Variants in PPP1R3A observed in about 807,000 individuals in gnomAD.
The protein encoded by PPP1R3A is protein phosphatase 1 regulatory subunit 3A.
A neutral mutation model predicts 41.7 loss-of-function variants in PPP1R3A; 29 were observed. The ratio of observed to expected loss-of-function variants is 0.70; its 90% CI spans 0.52 to 0.95. The LOEUF is 0.95. Among genes scored for constraint, PPP1R3A ranks in the 40% least tolerant of loss-of-function variants. The probability of loss-of-function intolerance (pLI) is 0.00; values close to 1 mark genes in which losing one functional copy is unlikely to be tolerated. For missense variants in PPP1R3A, 1,352 were observed against 1,292.4 expected, an observed-to-expected ratio of 1.05 and a Z score of -0.71; for synonymous variants, 485 against 453.4, an observed-to-expected ratio of 1.07 and a Z score of -0.89.
In PPP1R3A at chr7:113,879,440, C is replaced by A; in HGVS notation, c.1652G>T (p.Ser551Ile). 1 of 1,613,498 alleles carries A rather than the reference C, an allele frequency of 6.2e-7. No homozygotes were observed. Among genetic ancestry groups the A allele is most frequent in the Non-Finnish European group, 8.5e-7 (1 of 1,179,720 alleles). Residue 551 changes from serine (S) to isoleucine (I), a missense_variant, in exon 4 of 4, where the codon AGT becomes ATT. Transcript: ENST00000284601. ...QERKMGNPKISVAGIGASNRD... is the reference protein window; with the variant it reads ...QERKMGNPKIIVAGIGASNRD... ...GTTACTAGCTCCAATCCCTGCCACA[C>A]TTATTTTAGGGTTACCCATCTTCCT...
At chr7:113,913,694 GA>G in intron 1 of PPP1R3A, among the ~76,000 whole-genome samples, 1 of 151,998 alleles carries the variant, frequency 6.6e-6, no homozygotes, top group Admixed American at 6.6e-5. Flanking sequence ...AGGCAGTGGG[GA>G]AAAAAAGCCA....
At chr7:113,903,292 T>C (rs1041383273) in intron 1 of PPP1R3A, among the ~76,000 whole-genome samples, 4 of 151,790 alleles carry the variant, frequency 2.6e-5, no homozygotes, top group Non-Finnish European at 4.4e-5. Flanking sequence ...ACCCGTGAAA[T>C]AGGTATAGAA....
intron 1 of PPP1R3A, among the ~76,000 whole-genome samples, chr7:113,904,687 GAA>G (rs10708700): frequency 1.3e-5 from 2 of 150,132 alleles, no homozygotes; most frequent in African/African-American, 4.9e-5. Flanking sequence ...GAAATACAAA[GAA>G]AAAAAAATTG....
At chr7:113,913,309 C>G (rs1170588397) in intron 1 of PPP1R3A, among the ~76,000 whole-genome samples, 1 of 152,120 alleles carries the variant, frequency 6.6e-6, no homozygotes, top group Admixed American at 6.6e-5. Context: ...CTGACTGAAA[C>G]ACACAATGTA....
intron 1 of PPP1R3A, among the ~76,000 whole-genome samples, chr7:113,901,770 C>G (rs192157036): frequency 9.2e-5 from 14 of 151,806 alleles, no homozygotes; most frequent in African/African-American, 3.4e-4. Flanking sequence ...TTCAAATCCC[C>G]TGAAAACCAA....
chr7:113,878,018 C>A lies in PPP1R3A; in HGVS notation c.3074G>T (p.Arg1025Met). 6.2e-7 allele frequency: 1 copy of A among 1,613,208 alleles called. No homozygotes were observed. Among genetic ancestry groups the A allele is most frequent in the Admixed American group, 1.7e-5 (1 of 59,900 alleles). Residue 1025 changes from arginine (R) to methionine (M), a missense_variant, in exon 4 of 4, where the codon AGG becomes ATG. Arg to Met is a moderately conservative substitution (Grantham distance 91). Coordinates refer to ENST00000284601, the MANE Select transcript of PPP1R3A (RefSeq NM_002711.4). ...NKPLENMEEA[R>M]HENEGLVSSG... is the part of the protein sequence containing the mutation. Reference sequence around the variant, plus strand: ...GCTTACTAATCCTTCATTTTCATGCCTTGCTTCTTCCATATTCTCAAGAGG... The same window carrying A: ...GCTTACTAATCCTTCATTTTCATGCATTGCTTCTTCCATATTCTCAAGAGG...
Position 113,878,303 on chromosome 7 carries a change from T to C in PPP1R3A, c.2789A>G (p.Gln930Arg), listed in dbSNP as rs775784657. ...AACTGCATTCTCTACAGCAATTGCC[T>C]GCTCATTAGTTGACACTGAAATTTC... ...HTEISVSTNEQAIAVENAVTT... is the reference protein window; with the variant it reads ...HTEISVSTNERAIAVENAVTT... Residue 930 changes from glutamine to arginine, a missense_variant, in exon 4 of 4, where the codon CAG becomes CGG. By Grantham distance (43) the Gln-to-Arg change is conservative. Transcript: ENST00000284601. 14 of 1,613,246 alleles carry C rather than the reference T, an allele frequency of 8.7e-6. No homozygotes were observed. Among genetic ancestry groups the C allele is most frequent in the Non-Finnish European group, 1.1e-5 (13 of 1,179,634 alleles).
chr7:113,881,709 G>T (rs1008979571), intron 3 of PPP1R3A, among the ~76,000 whole-genome samples: 1 of 151,918 alleles, frequency 6.6e-6, no homozygotes. Flanking sequence ...TTTTATAGAC[G>T]AGTTTATGCT....
chr7:113,917,154 T>A lies in PPP1R3A; in HGVS notation c.782+1061A>T, dbSNP rs527345786. Among the ~76,000 whole-genome samples the A allele has an allele frequency of 2.0e-3, 298 of 152,184 alleles. 1 individual carries two copies. The highest frequency in any genetic ancestry group is 7.0e-3 in the African/African-American group (291 of 41,542). On this transcript the variant is annotated intron_variant, in intron 1 of 3. Coordinates refer to ENST00000284601, the MANE Select transcript of PPP1R3A (RefSeq NM_002711.4). ...CCTTAGAGAATTAAATCTGGGTGTC[T>A]TGATTCCAAAACAGTTCCCTTTCCT...
chr7:113,904,304 A>G (rs1052074734), intron 1 of PPP1R3A, among the ~76,000 whole-genome samples: 1 of 151,802 alleles, frequency 6.6e-6, no homozygotes, highest in East Asian at 1.9e-4. Flanking sequence ...GGACTTGATC[A>G]AATAAATTTC....
chr7:113,914,759 T>TAG (rs1440427305), intron 1 of PPP1R3A, among the ~76,000 whole-genome samples: 1 of 152,132 alleles, frequency 6.6e-6, no homozygotes, highest in Admixed American at 6.6e-5. Context: ...CCCTATGAGA[T>TAG]AGAGCTGTAG....
chr7:113,904,060 A>G (rs1486490522), intron 1 of PPP1R3A, among the ~76,000 whole-genome samples: 1 of 151,670 alleles, frequency 6.6e-6, no homozygotes, highest in Non-Finnish European at 1.5e-5. Context: ...TTGTCCGAGT[A>G]TGTTTCACTC....
chr7:113,918,380 T>C lies in PPP1R3A; in HGVS notation c.617A>G (p.Glu206Gly). 6.2e-7 allele frequency: 1 copy of C among 1,613,494 alleles called. No homozygotes were observed. Among genetic ancestry groups the C allele is most frequent in the South Asian group, 1.1e-5 (1 of 91,066 alleles). ...PPYQKDGSKV[E>G]FCIRYETSVG... ...AGAAGTTTCATAACGTATACAAAAC[T>C]CAACTTTACTGCCATCTTTTTGATA... Residue 206 changes from glutamate (E) to glycine (G), a missense_variant, in exon 1 of 4, where the codon GAG becomes GGG. Coordinates refer to ENST00000284601, the MANE Select transcript of PPP1R3A (RefSeq NM_002711.4).
In PPP1R3A at chr7:113,918,855, A is replaced by T. The variant is rs1187019182; in HGVS notation, c.142T>A (p.Ser48Thr). 2 of 1,613,814 alleles carry T rather than the reference A, an allele frequency of 1.2e-6. No individual in the cohort carries two copies. Among genetic ancestry groups the T allele is most frequent in the Admixed American group, 3.3e-5 (2 of 59,976 alleles). The change falls in exon 1 of 4, where the codon TCT becomes ACT. Residue 48 changes from serine (S) to threonine (T), a missense_variant. Coordinates refer to ENST00000284601, the MANE Select transcript of PPP1R3A (RefSeq NM_002711.4). ...GTATCCAGGTATATGTCTTCAGAAG[A>T]ATCAGAACCTCGTCTACTTGGTTGA... ...SPQPSRRGSD[S>T]SEDIYLDTPS...
chr7:113,881,626 G>T (rs1796696808), intron 3 of PPP1R3A, among the ~76,000 whole-genome samples: 2 of 151,978 alleles, frequency 1.3e-5, no homozygotes, highest in African/African-American at 2.4e-5. Context: ...TTTAAAAAAT[G>T]CTGTTACATG....
At chr7:113,889,314 A>G (rs1028046583) in intron 1 of PPP1R3A, among the ~76,000 whole-genome samples, 5 of 152,174 alleles carry the variant, frequency 3.3e-5, no homozygotes, top group Non-Finnish European at 7.3e-5. Flanking sequence ...TACTATTTAC[A>G]TAACTCTTAA....
chr7:113,913,453 G>A (rs571560486), intron 1 of PPP1R3A, among the ~76,000 whole-genome samples: 10 of 152,102 alleles, frequency 6.6e-5, no homozygotes, highest in African/African-American at 1.2e-4. Flanking sequence ...GTTCCTGAAC[G>A]TACCTGGTTT....
At chr7:113,885,609 GAATA>G (rs1436917796) in intron 1 of PPP1R3A, among the ~76,000 whole-genome samples, 2 of 151,466 alleles carry the variant, frequency 1.3e-5, no homozygotes, top group East Asian at 2.0e-4. Flanking sequence ...ATCAACAGAA[GAATA>G]GATACAAAAC....
At chr7:113,915,357 A>G (rs1467195457) in intron 1 of PPP1R3A, among the ~76,000 whole-genome samples, 2 of 152,094 alleles carry the variant, frequency 1.3e-5, no homozygotes, top group East Asian at 3.9e-4. Context: ...GATTATTGAC[A>G]CTTTCAGAAG....
Sources: allele counts gnomAD v4.1 joint callset (sites outside exome capture counted in the v4.1 genomes callset), GRCh38; gene constraint gnomAD v4.1.1; transcripts MANE v1.5; gene names NCBI Gene and HGNC (gene_info 2026-07-23, HGNC 2026-07-21).